The following PALD1 variants were observed in gnomAD, a reference collection of about 807,000 sequenced individuals.
PALD1 encodes the protein paladin.
In PALD1, 57 loss-of-function variants were observed where a neutral mutation model predicts 96.0. The observed-to-expected ratio is 0.59, with a 90% confidence interval of 0.48 to 0.74. The LOEUF (loss-of-function observed/expected upper bound fraction) is 0.74. PALD1 is among the 30% of genes least tolerant of loss of function. PALD1 has a pLI of 0.00. For missense variants in PALD1, 1,063 were observed against 1,143.7 expected (o/e 0.93, Z 1.02); for synonymous variants, 464 against 473.6 (o/e 0.98, Z 0.26).
At chr10:70,547,205 C>T (rs1426791709) in intron 17 of PALD1, 101 bp from the exon 18 acceptor site, 12 of 1,065,182 alleles carry the variant, frequency 1.1e-5, no homozygotes, top group Admixed American at 1.7e-5. Flanking sequence ...GCGCCTGGGC[C>T]TTAGGCCTGG....
chr10:70,478,184 C>T (rs1244304850), upstream of PALD1, among the ~76,000 whole-genome samples: 2 of 152,194 alleles, frequency 1.3e-5, no homozygotes, highest in Non-Finnish European at 2.9e-5. Context: ...TTCCTTAGGA[C>T]CCCGGGGCGT....
intron 1 of PALD1, among the ~76,000 whole-genome samples, chr10:70,509,965 C>T (rs151176645): frequency 2.0e-5 from 3 of 152,312 alleles, no homozygotes; most frequent in Non-Finnish European, 4.4e-5. Context: ...TGGAAATAAG[C>T]GTGGGCTGTG....
At chr10:70,502,859 GTTCTC>G (rs886170573) in intron 1 of PALD1, among the ~76,000 whole-genome samples, 1 of 152,072 alleles carries the variant, frequency 6.6e-6, no homozygotes, top group Non-Finnish European at 1.5e-5. Context: ...TTGTTTCTGG[GTTCTC>G]TTCTCTTCTC....
Position 70,510,494 on chromosome 10 carries a change from C to T in PALD1, c.-29-15429C>T, listed in dbSNP as rs538129412. Among the ~76,000 whole-genome samples the T allele has an allele frequency of 3.3e-5, 5 of 152,298 alleles. No homozygotes were observed. The South Asian group carries it at 1.0e-3, about 32-fold the overall frequency. On this transcript the variant is annotated intron_variant, in intron 1 of 19. Coordinates refer to ENST00000263563, the MANE Select transcript of PALD1 (RefSeq NM_014431.3). ...TGGGCCCCCCTCCCTAAGGCATTTG[C>T]CCCCAACACCTGGCTGCATGGAACC... is the stretch of plus-strand genomic sequence containing the variant.
chr10:70,533,841 T>C, intron 7 of PALD1, 81 bp from the exon 8 acceptor site: 1 of 1,314,320 alleles, frequency 7.6e-7, no homozygotes, highest in Non-Finnish European at 1.0e-6. Flanking sequence ...GGTGGGCTGA[T>C]GTCATGCTTT....
Position 70,566,731 on chromosome 10 carries a change from T to C in PALD1, c.2569T>C (p.Ter857GlnextTer51), listed in dbSNP as rs1847864127. The change falls in exon 20 of 20, where the codon TAG (stop) becomes CAG (glutamine). Residue 857 changes from the stop codon to glutamine (Q), a stop_lost. Coordinates refer to ENST00000263563, the MANE Select transcript of PALD1 (RefSeq NM_014431.3). The stretch of plus-strand genomic sequence containing the variant: ...GCCCTCTGCCCCCGAGGACTTGCTG[T>C]AGGGGGCCTTACTCCCTGTCCCCCC... ...LEPSAPEDLL* is the reference protein window; with the variant it reads ...LEPSAPEDLLQ The C allele has an allele frequency of 1.3e-6, 2 of 1,586,058 alleles. No individual in the cohort carries two copies. The highest frequency in any genetic ancestry group is 1.7e-6 in the Non-Finnish European group (2 of 1,167,652).
At chr10:70,519,614 G>A (rs1265185335) in intron 1 of PALD1, among the ~76,000 whole-genome samples, 2 of 144,202 alleles carry the variant, frequency 1.4e-5, no homozygotes, top group African/African-American at 5.3e-5. Context: ...TGGCTCTGTC[G>A]CCCAGGCTAG....
rs928098424 is a variant in PALD1 at position 70,523,209 on chromosome 10, G to A, written c.-29-2714G>A. On this transcript the variant is annotated intron_variant, in intron 1 of 19. Coordinates refer to ENST00000263563, the MANE Select transcript of PALD1 (RefSeq NM_014431.3). ...GTCATTGCCTCTGGAGCCCATGAGA[G>A]GTGAGGGTGGCTGGAACTGGAGCTG... Among the ~76,000 whole-genome samples the A allele has an allele frequency of 2.6e-5, 4 of 152,358 alleles. 1 individual carries two copies. Among genetic ancestry groups the A allele is most frequent in the Non-Finnish European group, 5.9e-5 (4 of 68,036 alleles).
chr10:70,532,770 G>A lies in PALD1; in HGVS notation c.783G>A (p.Gln261=). The stretch of plus-strand genomic sequence containing the variant: ...TGTACAAGCGGCCCCTCTTCCTGCA[G>A]CCCACCTACAGGTACCACAGGGCCA... ...EEVYKRPLFL[Q]PTYRYHRLPL... The change falls in exon 6 of 20, where the codon CAG becomes CAA. Residue 261 remains glutamine (Q), a synonymous_variant. Coordinates refer to ENST00000263563, the MANE Select transcript of PALD1 (RefSeq NM_014431.3). 3 of 1,614,090 alleles carry A rather than the reference G, an allele frequency of 1.9e-6. No individual in the cohort carries two copies. Among genetic ancestry groups the A allele is most frequent in the Non-Finnish European group, 2.5e-6 (3 of 1,179,992 alleles).
intron 1 of PALD1, among the ~76,000 whole-genome samples, chr10:70,514,961 G>A (rs1489247745): frequency 1.3e-5 from 2 of 152,184 alleles, no homozygotes; most frequent in African/African-American, 2.4e-5. Flanking sequence ...GTTTAGAAGC[G>A]ATGGATGAGC....
Position 70,510,671 on chromosome 10 carries a change from C to T in PALD1, c.-29-15252C>T, listed in dbSNP as rs570149816. On this transcript the variant is annotated intron_variant, in intron 1 of 19. Transcript: ENST00000263563. ...CCCTCCCATCCAGGTAACACCTTCT[C>T]GCTTCCCAGGGACTTCCTTGTCTCA... Among the ~76,000 whole-genome samples, 6 of 152,318 alleles carry T rather than the reference C, an allele frequency of 3.9e-5. No homozygotes were observed. In the East Asian group the frequency reaches 7.7e-4, roughly 20 times the overall value.
In PALD1 at chr10:70,525,958, A is replaced by G. The variant is rs369687767; in HGVS notation, c.7A>G (p.Thr3Ala). 7 of 1,614,074 alleles carry G rather than the reference A, an allele frequency of 4.3e-6. No homozygotes were observed. Among genetic ancestry groups the G allele is most frequent in the East Asian group, 2.2e-5 (1 of 44,884 alleles). Reference protein sequence around the residue: MGTTASTAQQTVS... With the variant: MGATASTAQQTVS... Reference sequence around the variant, plus strand: ...CTGAGGCTGCTGGCAGACTATGGGTACAACGGCCAGCACAGCCCAGCAGAC... The same window carrying G: ...CTGAGGCTGCTGGCAGACTATGGGTGCAACGGCCAGCACAGCCCAGCAGAC... Residue 3 changes from threonine (T) to alanine (A), a missense_variant, in exon 2 of 20, where the codon ACA becomes GCA. Transcript: ENST00000263563.
At chr10:70,492,716 C>G (rs146187994) in intron 1 of PALD1, among the ~76,000 whole-genome samples, 165 of 152,164 alleles carry the variant, frequency 1.1e-3, no homozygotes, top group African/African-American at 3.5e-3. Flanking sequence ...CTTGGCCTCC[C>G]AAACTGCTGG....
chr10:70,524,749 C>T (rs1404632310), intron 1 of PALD1, among the ~76,000 whole-genome samples: 5 of 152,150 alleles, frequency 3.3e-5, no homozygotes, highest in Non-Finnish European at 7.3e-5. Flanking sequence ...GTTTAACATT[C>T]TACCCTATAG....
the PALD1 span, among the ~76,000 whole-genome samples, chr10:70,466,535 G>A: frequency 1.3e-5 from 2 of 152,118 alleles, no homozygotes; most frequent in South Asian, 2.1e-4. Flanking sequence ...GAGCCACCGC[G>A]CCCAGCCATT....
At chr10:70,498,953 C>A (rs949630747) in intron 1 of PALD1, among the ~76,000 whole-genome samples, 52 of 151,436 alleles carry the variant, frequency 3.4e-4, no homozygotes, top group Non-Finnish European at 6.9e-4. Context: ...AGGTATCATA[C>A]GTCTTTGGGA....
chr10:70,463,507 A>T, the PALD1 span, among the ~76,000 whole-genome samples: 1 of 151,930 alleles, frequency 6.6e-6, no homozygotes. Context: ...ACATAATTCT[A>T]CCTGCTCTAG....
chr10:70,496,446 G>A (rs1047650014), intron 1 of PALD1, among the ~76,000 whole-genome samples: 1 of 152,108 alleles, frequency 6.6e-6, no homozygotes, highest in African/African-American at 2.4e-5. Context: ...CCTGTAGGTG[G>A]TCACTCTCCT....
chr10:70,514,770 G>A (rs1378632541), intron 1 of PALD1, among the ~76,000 whole-genome samples: 4 of 152,216 alleles, frequency 2.6e-5, no homozygotes, highest in Non-Finnish European at 5.9e-5. Context: ...TGGGCAGAGT[G>A]CGCCTGGGCA....
Sources: gnomAD v4.1 joint callset for allele counts (sites outside exome capture counted in the v4.1 genomes callset) on GRCh38, gnomAD v4.1.1 for gene constraint, MANE v1.5 for transcripts, NCBI Gene and HGNC (gene_info 2026-07-23, HGNC 2026-07-21) for gene names.